Variants in HERC2 observed in about 807,000 individuals in gnomAD.
HERC2 encodes the protein E3 ubiquitin-protein ligase HERC2.
A neutral mutation model predicts 537.7 loss-of-function variants in HERC2; 102 were observed. The observed-to-expected ratio is 0.19, with a 90% CI of 0.16 to 0.22. The LOEUF (loss-of-function observed/expected upper bound fraction) is 0.22, where lower values mean the gene tolerates loss of function less well. Ranked by LOEUF, HERC2 falls within the 10% of genes least tolerant of loss-of-function variation. HERC2 has a pLI of 1.00. For synonymous variants in HERC2, 2,224 were observed against 2,466.2 expected, an observed-to-expected ratio of 0.90 and a Z score of 2.91; for missense variants, 4,236 against 6,198.2, an observed-to-expected ratio of 0.68 and a Z score of 10.63.
At chr15:28,181,658 A>G (rs1390571233) in intron 57 of HERC2, among the ~76,000 whole-genome samples, 1 of 152,260 alleles carries the variant, frequency 6.6e-6, no homozygotes, top group African/African-American at 2.4e-5. Context: ...GCCAGGAGAC[A>G]CTAAGTAATA....
chr15:28,268,403 C>T lies in HERC2; in HGVS notation c.1598+62G>A. ...CCTGGACACACTTCTGCGCTCCATCCTGTTTAGGATATGGCAACATAAAAG... is the reference window on the plus strand; with the variant it reads ...CCTGGACACACTTCTGCGCTCCATCTTGTTTAGGATATGGCAACATAAAAG... On this transcript the variant is annotated intron_variant, in intron 12 of 92. Coordinates refer to ENST00000261609, the MANE Select transcript of HERC2 (RefSeq NM_004667.6). This position sits in a 1 kb window ranked among gnomAD's most constrained non-coding sequence, Gnocchi z 4.7. 1.3e-6 allele frequency: 2 copies of T among 1,502,866 alleles called. No individual in the cohort carries two copies. Among genetic ancestry groups the T allele is most frequent in the East Asian group, 2.3e-5 (1 of 43,984 alleles). The allele number at this position is 1,502,866 out of a possible 1,614,324, so 93.1% of individuals were successfully genotyped here. A position where few individuals can be genotyped will look rare whatever the true frequency, so the allele number is the denominator to read the frequency against.
chr15:28,266,650 T>C (rs1317152787), intron 12 of HERC2, among the ~76,000 whole-genome samples: 2 of 152,160 alleles, frequency 1.3e-5, no homozygotes, highest in Non-Finnish European at 2.9e-5. Context: ...ATCTGCTAAG[T>C]CAAAGATGCC....
intron 15 of HERC2, among the ~76,000 whole-genome samples, chr15:28,261,955 A>T (rs1000614965): frequency 2.0e-5 from 3 of 151,842 alleles, no homozygotes; most frequent in African/African-American, 7.2e-5. Flanking sequence ...CAGCCCCCAC[A>T]CACAACGCAG....
intron 35 of HERC2, among the ~76,000 whole-genome samples, chr15:28,227,468 G>GAA (rs1220198016): frequency 1.9e-5 from 2 of 107,162 alleles, no homozygotes; most frequent in Non-Finnish European, 4.1e-5. Context: ...AAAAAAAAAA[G>GAA]AAAAAAAAAA....
intron 79 of HERC2, among the ~76,000 whole-genome samples, chr15:28,133,570 A>G (rs1490891443): frequency 6.6e-6 from 1 of 152,242 alleles, no homozygotes; most frequent in African/African-American, 2.4e-5. Flanking sequence ...TTTAAGTTTT[A>G]CATTTTACAT....
chr15:28,115,425 T>C lies in HERC2; in HGVS notation c.13722+4A>G. ...AGGCCCCGCCTGCCGCCCCAGGGAGTTACCTCACTGAGGTCCGCGATGGTG... is the reference window on the plus strand; with the variant it reads ...AGGCCCCGCCTGCCGCCCCAGGGAGCTACCTCACTGAGGTCCGCGATGGTG... On this transcript the variant is annotated splice_donor_region_variant and intron_variant, in intron 89 of 92. Coordinates refer to ENST00000261609, the MANE Select transcript of HERC2 (RefSeq NM_004667.6). 6.2e-7 allele frequency: 1 copy of C among 1,607,222 alleles called. No individual in the cohort carries two copies. Among genetic ancestry groups the C allele is most frequent in the Non-Finnish European group, 8.5e-7 (1 of 1,174,340 alleles).
At chr15:28,112,958 G>A (rs77854840) in intron 92 of HERC2, 113 bp downstream of exon 92, 19,630 of 788,246 alleles carry the variant, frequency 0.025, 436 homozygotes, top group Middle Eastern at 0.079. Context: ...TTTCATTTCT[G>A]TAAAGACTCA....
intron 67 of HERC2, 85 bp from the exon 68 acceptor site, chr15:28,167,912 T>C (rs771959639): frequency 7.2e-7 from 1 of 1,388,786 alleles, no homozygotes; most frequent in Non-Finnish European, 9.8e-7. Flanking sequence ...CCAAATGCTT[T>C]ACCTAAAACT....
At chr15:28,175,156 C>G (rs780534650) in intron 64 of HERC2, among the ~76,000 whole-genome samples, 3 of 151,970 alleles carry the variant, frequency 2.0e-5, no homozygotes, top group Non-Finnish European at 4.4e-5. Context: ...CTAGCTCTGT[C>G]TCTAAAATGA....
chr15:28,301,937 C>G (rs2076648937), intron 2 of HERC2, among the ~76,000 whole-genome samples: 1 of 150,444 alleles, frequency 6.6e-6, no homozygotes, highest in Non-Finnish European at 1.5e-5. Flanking sequence ...GTAGCTGGGA[C>G]TACAGGCTCA....
At chr15:28,150,291 G>C (rs559494690) in intron 70 of HERC2, among the ~76,000 whole-genome samples, 1 of 149,720 alleles carries the variant, frequency 6.7e-6, no homozygotes, top group East Asian at 2.0e-4. Flanking sequence ...ACATCACTGA[G>C]GACGGCCACA....
chr15:28,112,143 CA>C lies in HERC2; in HGVS notation c.14233-109del, dbSNP rs944741209. ...ACAAAACCATATTTTTTGCTAAGAACAAAACAGCAGAAAACATAATCCAAAC... is the reference window on the plus strand; with the variant it reads ...ACAAAACCATATTTTTTGCTAAGAACAAACAGCAGAAAACATAATCCAAAC... On this transcript the variant is annotated intron_variant, in intron 92 of 92. Coordinates refer to ENST00000261609, the MANE Select transcript of HERC2 (RefSeq NM_004667.6). 1.0e-4 allele frequency: 112 copies of C among 1,075,704 alleles called. 1 individual carries two copies. The Admixed American group carries it at 2.0e-3, about 19-fold the overall frequency. The allele number at this position is 1,075,704 out of a possible 1,614,324, so 66.6% of individuals were successfully genotyped here.
At chr15:28,281,864 T>C (rs975477612) in intron 4 of HERC2, among the ~76,000 whole-genome samples, 6 of 152,000 alleles carry the variant, frequency 3.9e-5, no homozygotes, top group African/African-American at 1.4e-4. Flanking sequence ...GAAGAGTCAC[T>C]GCATTTGCCG....
chr15:28,113,044 G>A lies in HERC2; in HGVS notation c.14232+27C>T. On this transcript the variant is annotated intron_variant, in intron 92 of 92. Transcript: ENST00000261609. The surrounding 1 kb of genome is among the most constrained non-coding windows in gnomAD (Gnocchi z 7.0). ...CCACCGTCGGCCGACATCAGCCCAGGGCCGGCAAGCCCAGCCAGGAGCCTA... is the reference window on the plus strand; with the variant it reads ...CCACCGTCGGCCGACATCAGCCCAGAGCCGGCAAGCCCAGCCAGGAGCCTA... 1 of 1,603,834 alleles carries A rather than the reference G, an allele frequency of 6.2e-7. No individual in the cohort carries two copies. The highest frequency in any genetic ancestry group is 8.5e-7 in the Non-Finnish European group (1 of 1,173,990).
chr15:28,235,738 T>C (rs1252634968), intron 26 of HERC2, among the ~76,000 whole-genome samples: 48 of 152,122 alleles, frequency 3.2e-4, no homozygotes, highest in Admixed American at 3.1e-3. Flanking sequence ...ATGACCTGCT[T>C]AGAATGCTGG....
chr15:28,175,222 T>C (rs1004024741), intron 64 of HERC2, among the ~76,000 whole-genome samples: 11 of 152,228 alleles, frequency 7.2e-5, no homozygotes, highest in Admixed American at 1.3e-4. Flanking sequence ...CTTGCTAATA[T>C]CTTGCACTAG....
At position 28,186,604 on chromosome 15, in the gene HERC2, T is replaced by C; in HGVS notation, c.8798A>G (p.Glu2933Gly). The change falls in exon 56 of 93, where the codon GAG becomes GGG. Residue 2933 changes from glutamate (E) to glycine (G), a missense_variant. Glu to Gly is a moderately conservative substitution (Grantham distance 98, BLOSUM62 -2). Coordinates refer to ENST00000261609, the MANE Select transcript of HERC2 (RefSeq NM_004667.6). ...VPFLASDNEE[E>G]EDEKGNSGSL... ...TCCGCTGTTGCCTTTCTCATCCTCC[T>C]CCTCTTCATTATCCGAAGCTAAGAA... is the stretch of plus-strand genomic sequence containing the variant. 6.2e-7 allele frequency: 1 copy of C among 1,614,106 alleles called. No homozygotes were observed. The highest frequency in any genetic ancestry group is 8.5e-7 in the Non-Finnish European group (1 of 1,179,992).
At chr15:28,262,237 G>A (rs2075434193) in intron 15 of HERC2, among the ~76,000 whole-genome samples, 1 of 152,048 alleles carries the variant, frequency 6.6e-6, no homozygotes, top group African/African-American at 2.4e-5. Flanking sequence ...ACCTTAGAAA[G>A]ATCCCTCCAA....
intron 4 of HERC2, among the ~76,000 whole-genome samples, chr15:28,284,076 A>G (rs2076091889): frequency 6.6e-6 from 1 of 152,232 alleles, no homozygotes; most frequent in Non-Finnish European, 1.5e-5. Context: ...TGTGCATGAA[A>G]CAAAGTTCGT....
Sources: allele counts gnomAD v4.1 joint callset (sites outside exome capture counted in the v4.1 genomes callset), GRCh38; gene constraint gnomAD v4.1.1; non-coding constraint Gnocchi (gnomAD v3.1); transcripts MANE v1.5; gene names NCBI Gene and HGNC (gene_info 2026-07-23, HGNC 2026-07-21).